SPMIP2: variants seen among roughly 807,000 people sequenced by gnomAD.
SPMIP2 encodes protein SPMIP2.
the SPMIP2 span, among the ~76,000 whole-genome samples, chr4:158,999,466 G>A: frequency 1.4e-4 from 21 of 152,236 alleles, no homozygotes; most frequent in African/African-American, 5.1e-4. Context: ...TCTCAACCTT[G>A]TAAATATATA....
chr4:158,959,641 T>C, the SPMIP2 span, among the ~76,000 whole-genome samples: 1 of 152,190 alleles, frequency 6.6e-6, no homozygotes, highest in Non-Finnish European at 1.5e-5. Context: ...CAAAAACCTA[T>C]GATAACAAAG....
At chr4:158,945,669 T>A in the SPMIP2 span, among the ~76,000 whole-genome samples, 2 of 152,194 alleles carry the variant, frequency 1.3e-5, no homozygotes, top group African/African-American at 4.8e-5. Flanking sequence ...GGATGAACAG[T>A]TGGGAAACCA....
the SPMIP2 span, among the ~76,000 whole-genome samples, chr4:158,993,648 G>T: frequency 5.9e-5 from 9 of 152,118 alleles, no homozygotes; most frequent in African/African-American, 2.2e-4. Flanking sequence ...GAATATAGCA[G>T]TGAAAAAAAC....
chr4:159,055,371 T>C, the SPMIP2 span, among the ~76,000 whole-genome samples: 2 of 152,168 alleles, frequency 1.3e-5, no homozygotes, highest in African/African-American at 4.8e-5. Flanking sequence ...GCAGAAGCTT[T>C]AGCATTTGTA....
At chr4:159,004,043 G>A in the SPMIP2 span, among the ~76,000 whole-genome samples, 2 of 151,684 alleles carry the variant, frequency 1.3e-5, no homozygotes, top group East Asian at 1.9e-4. Flanking sequence ...TTTTGAGTTG[G>A]GGTCTCACTG....
At chr4:158,960,286 C>G in the SPMIP2 span, 2 of 1,530,150 alleles carry the variant, frequency 1.3e-6, no homozygotes, top group Non-Finnish European at 1.8e-6. Flanking sequence ...ATTTGCTTAC[C>G]ATGGGTTTTG....
At chr4:159,049,400 A>G in the SPMIP2 span, among the ~76,000 whole-genome samples, 1 of 152,236 alleles carries the variant, frequency 6.6e-6, no homozygotes. Flanking sequence ...TGAGATCAAG[A>G]TTCGCAAAGA....
the SPMIP2 span, chr4:159,007,080 G>T: frequency 3.6e-6 from 2 of 559,032 alleles, no homozygotes; most frequent in East Asian, 4.3e-5. Flanking sequence ...TGAAGCATAC[G>T]GTAATTAGGA....
the SPMIP2 span, chr4:158,893,793 A>G: frequency 2.3e-5 from 22 of 971,026 alleles, no homozygotes; most frequent in Middle Eastern, 2.7e-4. Context: ...ATTTCATTCT[A>G]TAATACATAC....
chr4:159,035,933 C>T, the SPMIP2 span, among the ~76,000 whole-genome samples: 3 of 152,086 alleles, frequency 2.0e-5, no homozygotes, highest in African/African-American at 4.8e-5. Context: ...TCTATTTTAT[C>T]GACCTCCCCA....
chr4:159,021,787 G>C, the SPMIP2 span, among the ~76,000 whole-genome samples: 3 of 152,182 alleles, frequency 2.0e-5, no homozygotes, highest in Non-Finnish European at 2.9e-5. Context: ...GGATTGTTTT[G>C]TATCCATGCA....
At chr4:158,893,684 A>G in the SPMIP2 span, 2 of 1,586,336 alleles carry the variant, frequency 1.3e-6, no homozygotes, top group Admixed American at 3.5e-5. Context: ...AAGCAGGTTG[A>G]GTTATGCTGA....
chr4:159,081,386 A>T, the SPMIP2 span, among the ~76,000 whole-genome samples: 21 of 152,152 alleles, frequency 1.4e-4, no homozygotes, highest in East Asian at 1.5e-3. Flanking sequence ...ATGTTATTAA[A>T]TAATTTTGAG....
the SPMIP2 span, among the ~76,000 whole-genome samples, chr4:158,967,343 C>T: frequency 5.6e-4 from 85 of 152,144 alleles, no homozygotes; most frequent in African/African-American, 2.0e-3. Flanking sequence ...GTGGTACTCT[C>T]GCACTAAAGC....
the SPMIP2 span, among the ~76,000 whole-genome samples, chr4:159,002,575 G>T: frequency 3.9e-5 from 6 of 152,068 alleles, no homozygotes; most frequent in Middle Eastern, 3.2e-3. Context: ...TTTTCTTTTA[G>T]AAGTTTTATA....
chr4:158,920,419 G>A, the SPMIP2 span, among the ~76,000 whole-genome samples: 1 of 152,176 alleles, frequency 6.6e-6, no homozygotes, highest in Non-Finnish European at 1.5e-5. Flanking sequence ...GGACGTGCAA[G>A]TAGGAGAGAT....
At chr4:159,030,531 CTG>C in the SPMIP2 span, among the ~76,000 whole-genome samples, 4 of 151,708 alleles carry the variant, frequency 2.6e-5, no homozygotes, top group African/African-American at 7.3e-5. Flanking sequence ...GAGTATCACT[CTG>C]TTGCCCAGGC....
At chr4:159,069,101 G>C in the SPMIP2 span, among the ~76,000 whole-genome samples, 2 of 152,098 alleles carry the variant, frequency 1.3e-5, no homozygotes. Context: ...TCAGGAGTTC[G>C]AGACTAGCCT....
chr4:158,956,233 T>C, the SPMIP2 span, among the ~76,000 whole-genome samples: 2 of 152,238 alleles, frequency 1.3e-5, no homozygotes, highest in East Asian at 1.9e-4. Context: ...CTCTCAGCCC[T>C]GGCGATACAT....
Sources: allele counts gnomAD v4.1 joint callset (sites outside exome capture counted in the v4.1 genomes callset), GRCh38; gene constraint gnomAD v4.1.1; transcripts MANE v1.5; gene names NCBI Gene and HGNC (gene_info 2026-07-23, HGNC 2026-07-21).